TMEM232: variants seen among roughly 807,000 people sequenced by gnomAD.
TMEM232 encodes the protein transmembrane protein 232.
In TMEM232, 80 loss-of-function variants were observed where a neutral mutation model predicts 78.8. The ratio of observed to expected loss-of-function variants is 1.01; its 90% confidence interval spans 0.85 to 1.22. The LOEUF is 1.22. Ranked by LOEUF, TMEM232 falls within the 50% of genes most tolerant of loss-of-function variation. TMEM232 has a pLI of 0.00. For synonymous variants in TMEM232, 297 were observed against 254.3 expected, an observed-to-expected ratio of 1.17 and a Z score of -1.60; for missense variants, 881 against 742.2, an observed-to-expected ratio of 1.19 and a Z score of -2.17.
chr5:110,429,115 A>G (rs1395161064), intron 12 of TMEM232, among the ~76,000 whole-genome samples: 2 of 151,886 alleles, frequency 1.3e-5, no homozygotes, highest in Admixed American at 1.3e-4. Context: ...TCTTCTCTCC[A>G]GAAACTTGAA....
intron 2 of TMEM232, among the ~76,000 whole-genome samples, chr5:110,407,163 A>C (rs1206147741): frequency 6.6e-6 from 1 of 152,106 alleles, no homozygotes; most frequent in African/African-American, 2.4e-5. Flanking sequence ...TGGTATAAGT[A>C]ATAAGTATAT....
chr5:110,471,180 G>C (rs1561536516), intron 12 of TMEM232, among the ~76,000 whole-genome samples: 1 of 152,016 alleles, frequency 6.6e-6, no homozygotes, highest in African/African-American at 2.4e-5. Context: ...CTTGAAGACT[G>C]GTCATTTGAA....
At chr5:110,405,716 C>A (rs1755765253) in intron 2 of TMEM232, among the ~76,000 whole-genome samples, 2 of 143,828 alleles carry the variant, frequency 1.4e-5, no homozygotes, top group Non-Finnish European at 1.5e-5. Context: ...AAACATCAAA[C>A]TGAAGGACAC....
chr5:110,420,523 C>T lies in TMEM232; in HGVS notation c.*57G>A, dbSNP rs1756521705. ...ATGTAGCTATCTTGGTATTTTTCATCCTATGTATTTCTGCCATGTAGTCCT... is the reference window on the plus strand; with the variant it reads ...ATGTAGCTATCTTGGTATTTTTCATTCTATGTATTTCTGCCATGTAGTCCT... On this transcript the variant is annotated 3_prime_UTR_variant, in exon 14 of 14. Coordinates refer to ENST00000455884, the MANE Select transcript of TMEM232 (RefSeq NM_001039763.4). 1.9e-6 allele frequency: 2 copies of T among 1,075,928 alleles called. No individual in the cohort carries two copies. The highest frequency in any genetic ancestry group is 3.4e-5 in the African/African-American group (2 of 59,318). 66.6% of individuals were successfully genotyped at this position (1,075,928 alleles called of 1,614,324 possible).
intron 10 of TMEM232, among the ~76,000 whole-genome samples, chr5:110,597,745 G>C (rs1157811669): frequency 2.0e-4 from 30 of 151,740 alleles, no homozygotes; most frequent in African/African-American, 6.3e-4. Flanking sequence ...ACAAACCTGA[G>C]AAAAACAAGC....
chr5:110,730,221 T>A (rs899899436), upstream of TMEM232, among the ~76,000 whole-genome samples: 1 of 152,204 alleles, frequency 6.6e-6, no homozygotes. Context: ...TAGTCCATAA[T>A]ACTGCAATTA....
chr5:110,556,621 C>A, intron 11 of TMEM232, among the ~76,000 whole-genome samples: 1 of 152,178 alleles, frequency 6.6e-6, no homozygotes, highest in South Asian at 2.1e-4. Flanking sequence ...ACTCGAGCTC[C>A]GGTGATCCAC....
At chr5:110,642,523 T>C (rs145994518) in intron 2 of TMEM232, among the ~76,000 whole-genome samples, 152 bp from the exon 3 acceptor site, 129 of 152,256 alleles carry the variant, frequency 8.5e-4, no homozygotes, top group African/African-American at 2.4e-3. Context: ...CAGTAAAAGA[T>C]ACATGCAAGC....
intron 12 of TMEM232, among the ~76,000 whole-genome samples, chr5:110,481,835 A>G (rs1763898329): frequency 6.6e-6 from 1 of 152,174 alleles, no homozygotes; most frequent in Admixed American, 6.5e-5. Flanking sequence ...AGTAAGTATA[A>G]GAACACAGGC....
Position 110,466,806 on chromosome 5 carries a change from G to A in TMEM232, c.1704-41890C>T, listed in dbSNP as rs184032241. ...TTTTTTTTGTATTTTTAGTAGAGAC[G>A]GGGTTTCGCTGTATTAGCCAGGATG... On this transcript the variant is annotated intron_variant, in intron 12 of 13. Transcript: ENST00000455884. Among the ~76,000 whole-genome samples, 408 of 151,754 alleles carry A rather than the reference G, an allele frequency of 2.7e-3. 2 individuals carry two copies. The highest frequency in any genetic ancestry group is 3.3e-3 in the Non-Finnish European group (221 of 67,928).
At chr5:110,650,294 A>G (rs568042015) in intron 2 of TMEM232, among the ~76,000 whole-genome samples, 1 of 152,086 alleles carries the variant, frequency 6.6e-6, no homozygotes, top group Non-Finnish European at 1.5e-5. Context: ...TTCTTCTAAT[A>G]AATTTTTATA....
chr5:110,725,263 G>A (rs780143510), intron 1 of TMEM232, among the ~76,000 whole-genome samples: 98 of 152,314 alleles, frequency 6.4e-4, no homozygotes, highest in Admixed American at 1.8e-3. Flanking sequence ...ATTTCTCAGT[G>A]TTAATATTCT....
Position 110,594,702 on chromosome 5 carries a change from G to A in TMEM232, c.1276+10407C>T, listed in dbSNP as rs112491540. On this transcript the variant is annotated intron_variant, in intron 10 of 13. Coordinates refer to ENST00000455884, the MANE Select transcript of TMEM232 (RefSeq NM_001039763.4). The stretch of plus-strand genomic sequence containing the variant: ...AAGGAAGCCAAACTCACTGCAGCAC[G>A]GCAAAGCAGCTGTGGCCAGACTGCC... Among the ~76,000 whole-genome samples the A allele has an allele frequency of 6.2e-3, 941 of 152,254 alleles. 10 individuals are homozygous for A. The highest frequency in any genetic ancestry group is 0.021 in the African/African-American group (869 of 41,558).
At chr5:110,632,514 C>T (rs1263740701) in intron 5 of TMEM232, among the ~76,000 whole-genome samples, 1 of 151,610 alleles carries the variant, frequency 6.6e-6, no homozygotes, top group African/African-American at 2.4e-5. Flanking sequence ...CAGAAAAAAA[C>T]AATTTAAGAT....
chr5:110,416,810 C>T (rs1267708075), downstream of TMEM232, among the ~76,000 whole-genome samples: 1 of 152,268 alleles, frequency 6.6e-6, no homozygotes, highest in African/African-American at 2.4e-5. Context: ...CTCCCTATCT[C>T]CAAACACCCA....
chr5:110,426,902 G>A (rs1434434656), intron 12 of TMEM232, among the ~76,000 whole-genome samples: 1 of 151,960 alleles, frequency 6.6e-6, no homozygotes, highest in Non-Finnish European at 1.5e-5. Context: ...AAGGTTAAAA[G>A]TGTTCAAGCA....
At chr5:110,635,867 A>T (rs1048060379) in intron 5 of TMEM232, among the ~76,000 whole-genome samples, 2 of 152,032 alleles carry the variant, frequency 1.3e-5, no homozygotes, top group Non-Finnish European at 2.9e-5. Flanking sequence ...TAAGAAACTA[A>T]AAATAGAACT....
At chr5:110,602,734 G>C (rs955680045) in intron 10 of TMEM232, among the ~76,000 whole-genome samples, 1 of 152,176 alleles carries the variant, frequency 6.6e-6, no homozygotes, top group Non-Finnish European at 1.5e-5. Context: ...AGACAGTGTG[G>C]AGATTCCTCA....
chr5:110,728,295 T>TTA (rs766743679), upstream of TMEM232, among the ~76,000 whole-genome samples: 15 of 151,770 alleles, frequency 9.9e-5, no homozygotes, highest in East Asian at 3.9e-4. Context: ...CTGATTTTAT[T>TTA]TATATATATA....
Sources: allele counts gnomAD v4.1 joint callset (sites outside exome capture counted in the v4.1 genomes callset), GRCh38; gene constraint gnomAD v4.1.1; transcripts MANE v1.5; gene names NCBI Gene and HGNC (gene_info 2026-07-23, HGNC 2026-07-21).